CCDC33: variants seen among roughly 807,000 people sequenced by gnomAD.
CCDC33 encodes the protein coiled-coil domain containing 33.
In CCDC33, 94 loss-of-function variants were observed where a neutral mutation model predicts 91.9. The ratio of observed to expected loss-of-function variants is 1.02; its 90% CI spans 0.87 to 1.21. CCDC33 has a LOEUF of 1.21. Among genes scored for constraint, CCDC33 ranks in the 50% most tolerant of loss-of-function variants. The pLI is 0.00. For missense variants in CCDC33, 940 were observed against 935.5 expected, an observed-to-expected ratio of 1.00 and a Z score of -0.06; for synonymous variants, 396 against 374.5, an observed-to-expected ratio of 1.06 and a Z score of -0.66.
chr15:74,214,074 A>T (rs2074392517), upstream of CCDC33, among the ~76,000 whole-genome samples: 1 of 149,814 alleles, frequency 6.7e-6, no homozygotes. Flanking sequence ...GTGGGGAGGG[A>T]GTTGGAGGTG....
At chr15:74,334,029 G>T in intron 17 of CCDC33, 62 bp downstream of exon 17, 3 of 1,422,366 alleles carry the variant, frequency 2.1e-6, no homozygotes, top group South Asian at 1.2e-5. Flanking sequence ...TATAACCAGG[G>T]CTCAGTGTGT....
At chr15:74,299,076 C>T (rs1400446295) in intron 11 of CCDC33, among the ~76,000 whole-genome samples, 1 of 152,174 alleles carries the variant, frequency 6.6e-6, no homozygotes, top group East Asian at 1.9e-4. Flanking sequence ...GAGAAAGAAG[C>T]AGCCTGAGCA....
chr15:74,215,828 G>A (rs533704152), upstream of CCDC33, among the ~76,000 whole-genome samples: 1 of 146,962 alleles, frequency 6.8e-6, no homozygotes, highest in Non-Finnish European at 1.5e-5. Flanking sequence ...CCGAGATCTC[G>A]CCACTGCACT....
chr15:74,274,787 A>C (rs1198677270), intron 7 of CCDC33, among the ~76,000 whole-genome samples: 1 of 152,162 alleles, frequency 6.6e-6, no homozygotes, highest in Non-Finnish European at 1.5e-5. Context: ...TGGGTAGGAG[A>C]GGTGCCACTC....
chr15:74,308,323 A>T (rs1164521928), intron 11 of CCDC33, among the ~76,000 whole-genome samples: 1 of 149,312 alleles, frequency 6.7e-6, no homozygotes, highest in African/African-American at 2.5e-5. Context: ...TGACACACGG[A>T]CTAGAAAAGC....
intron 11 of CCDC33, chr15:74,318,537 T>C: frequency 1.5e-6 from 1 of 678,390 alleles, no homozygotes; most frequent in Non-Finnish European, 2.7e-6. Context: ...GCACTTGTTG[T>C]AGCAACAGTC....
chr15:74,207,918 G>A, intron 1 of CCDC33: 1 of 1,478,484 alleles, frequency 6.8e-7, no homozygotes, highest in Non-Finnish European at 9.0e-7. Context: ...CTCACGGCAG[G>A]AAGAGTATGG....
rs185693046 is a variant in CCDC33 at position 74,315,747 on chromosome 15, G to A, written c.1291-14442G>A. On this transcript the variant is annotated intron_variant, in intron 11 of 18. Coordinates refer to ENST00000398814, the MANE Select transcript of CCDC33 (RefSeq NM_025055.5). ...CTGCGTGAGCAAAGGCACAGAGGCCGGATGCACTGAACCTGTTTGTTCCCC... is the reference window on the plus strand; with the variant it reads ...CTGCGTGAGCAAAGGCACAGAGGCCAGATGCACTGAACCTGTTTGTTCCCC... 1.5e-3 allele frequency among the ~76,000 whole-genome samples: 230 copies of A among 152,318 alleles called. 1 individual carries two copies. Among genetic ancestry groups the A allele is most frequent in the African/African-American group, 5.1e-3 (211 of 41,560 alleles).
At chr15:74,262,650 C>A in intron 3 of CCDC33, 77 bp downstream of exon 3, 2 of 1,483,974 alleles carry the variant, frequency 1.3e-6, no homozygotes, top group South Asian at 2.6e-5. Context: ...AAGAAGCAGG[C>A]TCCCTCTCAC....
upstream of CCDC33, chr15:74,213,433 C>T (rs1210890442): frequency 2.6e-5 from 4 of 152,262 alleles, no homozygotes; most frequent in African/African-American, 9.6e-5. Flanking sequence ...CATATCGCTA[C>T]ACAGCTGTCC....
intron 11 of CCDC33, among the ~76,000 whole-genome samples, chr15:74,322,156 T>A (rs1476521977): frequency 1.3e-5 from 2 of 152,208 alleles, no homozygotes; most frequent in African/African-American, 4.8e-5. Context: ...ATGTTCCAGT[T>A]ACCTATTGCA....
At chr15:74,275,762 T>C (rs1273522779) in intron 7 of CCDC33, among the ~76,000 whole-genome samples, 2 of 152,048 alleles carry the variant, frequency 1.3e-5, no homozygotes, top group Non-Finnish European at 2.9e-5. Context: ...CTCTGCCTCC[T>C]GGGTTCAAGC....
Position 74,331,204 on chromosome 15 carries a change from T to A in CCDC33, c.1679T>A (p.Val560Glu). The change falls in exon 15 of 19, where the codon GTG becomes GAG. Residue 560 changes from valine to glutamate, a missense_variant and splice_region_variant. Val to Glu is a moderately radical substitution (Grantham distance 121). Transcript: ENST00000398814. ...CCCAGCCTCTGCTCTGCTCTCCAGG[T>A]GATCGAGAAGATGGAGCGGGTGCTG... is the stretch of plus-strand genomic sequence containing the variant. Reference protein sequence around the residue: ...LEETVRHQEKVIEKMERVLED... With the variant: ...LEETVRHQEKEIEKMERVLED... The A allele has an allele frequency of 6.2e-7, 1 of 1,614,118 alleles. No individual in the cohort carries two copies. The highest frequency in any genetic ancestry group is 8.5e-7 in the Non-Finnish European group (1 of 1,179,996).
At chr15:74,267,367 G>A (rs1439242845) in intron 4 of CCDC33, among the ~76,000 whole-genome samples, 1 of 152,170 alleles carries the variant, frequency 6.6e-6, no homozygotes, top group Non-Finnish European at 1.5e-5. Flanking sequence ...GGGGGTACAT[G>A]GAATAAAGCA....
chr15:74,233,235 G>T (rs1273711236), upstream of CCDC33, among the ~76,000 whole-genome samples: 1 of 152,212 alleles, frequency 6.6e-6, no homozygotes, highest in Non-Finnish European at 1.5e-5. Flanking sequence ...TAAGAAACAT[G>T]AGGCAGGGGC....
At position 74,266,712 on chromosome 15, in the gene CCDC33, A is replaced by T; in HGVS notation, c.354A>T (p.Lys118Asn). The T allele has an allele frequency of 6.2e-7, 1 of 1,614,158 alleles. No individual in the cohort carries two copies. ...VILKVVDNRK[K>N]QELLSYKIPI... ...TCAAGGTGGTGGACAACAGAAAGAA[A>T]CAGGAGTTGTTGTCCTACAAAATCC... The change falls in exon 4 of 19, where the codon AAA becomes AAT. Residue 118 changes from lysine (K) to asparagine (N), a missense_variant. Transcript: ENST00000398814.
chr15:74,217,991 G>A (rs1294575381), intron 1 of CCDC33, among the ~76,000 whole-genome samples: 1 of 152,066 alleles, frequency 6.6e-6, no homozygotes, highest in Non-Finnish European at 1.5e-5. Flanking sequence ...ACAGAAATGA[G>A]GGGACCTGGG....
chr15:74,262,814 A>T (rs1434390319), intron 3 of CCDC33, among the ~76,000 whole-genome samples: 1 of 152,168 alleles, frequency 6.6e-6, no homozygotes, highest in Admixed American at 6.5e-5. Flanking sequence ...TATCTTTTTT[A>T]TGACTGTTGT....
At position 74,207,933 on chromosome 15, in the gene CCDC33, C is replaced by G. The variant is rs1447487898; in HGVS notation, n.90-1455C>G. ...CTCACGGCAGGAAGAGTATGGGTGA[C>G]TCTCCACCTCCTGTCTCTCTACCTC... On this transcript the variant is annotated intron_variant and non_coding_transcript_variant, in intron 1 of 3. Coordinates refer to the CCDC33 transcript ENST00000558645. 4 of 1,461,252 alleles carry G rather than the reference C, an allele frequency of 2.7e-6. No homozygotes were observed. The Admixed American group carries it at 8.8e-5, about 32-fold the overall frequency. The allele number at this position is 1,461,252 out of a possible 1,614,324, so 90.5% of individuals were successfully genotyped here.
Sources: gnomAD v4.1 joint callset for allele counts (sites outside exome capture counted in the v4.1 genomes callset) on GRCh38, gnomAD v4.1.1 for gene constraint, MANE v1.5 for transcripts, NCBI Gene and HGNC (gene_info 2026-07-23, HGNC 2026-07-21) for gene names.